Variants in CTPS2 observed in about 807,000 individuals in gnomAD.
The protein encoded by CTPS2 is CTP synthase 2.
CTPS2 carries 19 observed loss-of-function variants against 46.8 expected under a neutral mutation model. That is an observed-to-expected ratio of 0.41 (90% CI 0.28 to 0.60). CTPS2 has a LOEUF of 0.60. Ranked by LOEUF, CTPS2 falls within the 20% of genes least tolerant of loss-of-function variation. The pLI is 0.35. For synonymous variants in CTPS2, 151 were observed against 165.2 expected, an observed-to-expected ratio of 0.91 and a Z score of 0.66; for missense variants, 286 against 447.6, an observed-to-expected ratio of 0.64 and a Z score of 3.26.
At position 16,667,576 on chromosome X, in the gene CTPS2, G is replaced by C; in HGVS notation, c.1253-19C>G. ...TCAGCATCTGAAGATTAAGAAAAGAGTTCAGTAATTCACCAATAGTGCTGA... is the reference window on the plus strand; with the variant it reads ...TCAGCATCTGAAGATTAAGAAAAGACTTCAGTAATTCACCAATAGTGCTGA... On this transcript the variant is annotated intron_variant, in intron 12 of 18. Transcript: ENST00000359276. The C allele has an allele frequency of 9.1e-6, 11 of 1,208,377 alleles. No homozygotes were observed. The highest frequency in any genetic ancestry group is 1.2e-5 in the Non-Finnish European group (11 of 892,540).
intron 17 of CTPS2, among the ~76,000 whole-genome samples, chrX:16,598,948 A>G (rs1929467311): frequency 8.9e-6 from 1 of 111,970 alleles, no homozygotes; most frequent in Non-Finnish European, 1.9e-5. Context: ...ACAGAACCAA[A>G]GACAAAAACC....
At chrX:16,634,829 C>T (rs2147232709) in intron 14 of CTPS2, among the ~76,000 whole-genome samples, 1 of 110,184 alleles carries the variant, frequency 9.1e-6, no homozygotes, top group South Asian at 3.9e-4. Flanking sequence ...CATGCCTGTA[C>T]TCTCGGCTAC....
chrX:16,708,587 A>G (rs1222357698), intron 1 of CTPS2, among the ~76,000 whole-genome samples: 1 of 110,878 alleles, frequency 9.0e-6, no homozygotes, highest in Admixed American at 9.8e-5. Flanking sequence ...TTGAACATCT[A>G]TTACATGCTT....
rs765728580 is a variant in CTPS2 at position 16,634,864 on chromosome X, G to A, written c.1393+4283C>T. Among the ~76,000 whole-genome samples the A allele has an allele frequency of 2.2e-4, 24 of 109,413 alleles. No individual in the cohort carries two copies. The East Asian group carries it at 5.5e-3, about 25-fold the overall frequency. On this transcript the variant is annotated intron_variant, in intron 14 of 18. Coordinates refer to ENST00000359276, the MANE Select transcript of CTPS2 (RefSeq NM_175859.3). Reference sequence around the variant, plus strand: ...CTCGAGAGGCTGAGGCAGGAGAATCGGTTGAACCTGGGAGGCGGAGGTTGC... The same window carrying A: ...CTCGAGAGGCTGAGGCAGGAGAATCAGTTGAACCTGGGAGGCGGAGGTTGC...
chrX:16,667,008 G>A (rs1414584458), intron 13 of CTPS2, among the ~76,000 whole-genome samples: 2 of 111,094 alleles, frequency 1.8e-5, no homozygotes, highest in African/African-American at 3.3e-5. Context: ...ATCAGTCCAG[G>A]ATTGTGACTG....
At chrX:16,680,061 G>C (rs895723470) in intron 9 of CTPS2, among the ~76,000 whole-genome samples, 2 of 111,193 alleles carry the variant, frequency 1.8e-5, no homozygotes, top group African/African-American at 6.5e-5. Flanking sequence ...AAACCAGCCC[G>C]GAAGCCGCTG....
chrX:16,608,703 T>C (rs757980393), intron 17 of CTPS2, among the ~76,000 whole-genome samples: 1 of 111,664 alleles, frequency 9.0e-6, no homozygotes, highest in South Asian at 3.7e-4. Context: ...ATAATAATGC[T>C]ATGAAAATGA....
chrX:16,691,496 C>A, intron 7 of CTPS2, 44 bp downstream of exon 7: 2 of 1,060,190 alleles, frequency 1.9e-6, no homozygotes, highest in South Asian at 3.8e-5. Context: ...CTGGCATCAG[C>A]AGAAGTGCCT....
At chrX:16,682,771 A>G (rs1195489686) in intron 9 of CTPS2, among the ~76,000 whole-genome samples, 1 of 111,844 alleles carries the variant, frequency 8.9e-6, no homozygotes. Flanking sequence ...CAAGTCTTCA[A>G]TGAGCTTCCT....
intron 1 of CTPS2, among the ~76,000 whole-genome samples, chrX:16,709,427 CAA>C (rs776924145): frequency 5.4e-4 from 29 of 54,064 alleles, no homozygotes; most frequent in Admixed American, 2.7e-3. Flanking sequence ...AACCGTGTCT[CAA>C]AAAAAAAAAA....
In CTPS2 at chrX:16,621,273, A is replaced by G. The variant is rs777936545; in HGVS notation, c.1394-941T>C. On this transcript the variant is annotated intron_variant, in intron 14 of 18. Coordinates refer to ENST00000359276, the MANE Select transcript of CTPS2 (RefSeq NM_175859.3). ...CCAAACACCTCTCAAGAATGCTCCC[A>G]TTGGGAACATCACACACCGGGGCTT... is the stretch of plus-strand genomic sequence containing the variant. Among the ~76,000 whole-genome samples the G allele has an allele frequency of 6.3e-5, 5 of 78,918 alleles. No homozygotes were observed. The East Asian group carries it at 2.4e-3, about 38-fold the overall frequency. 68.5% of individuals were successfully genotyped at this position (78,918 alleles called of 115,157 possible). A position where few individuals can be genotyped will look rare whatever the true frequency, so the allele number is the denominator to read the frequency against.
At chrX:16,664,772 A>C (rs1921029460) in intron 13 of CTPS2, among the ~76,000 whole-genome samples, 1 of 111,677 alleles carries the variant, frequency 9.0e-6, no homozygotes. Context: ...CAATATCTGG[A>C]GGTACTTTTA....
intron 13 of CTPS2, among the ~76,000 whole-genome samples, chrX:16,643,553 C>T (rs1469842374): frequency 1.8e-5 from 2 of 111,651 alleles, no homozygotes; most frequent in Non-Finnish European, 3.8e-5. Context: ...TCCTTTCCTA[C>T]TGCTCATTAG....
In CTPS2 at chrX:16,689,267, C is replaced by T. The variant is rs184283030; in HGVS notation, c.872+183G>A. On this transcript the variant is annotated intron_variant, in intron 8 of 18. Coordinates refer to ENST00000359276, the MANE Select transcript of CTPS2 (RefSeq NM_175859.3). Reference sequence around the variant, plus strand: ...TTTATGTATAACAAAATCAAAGGCTCCAGAAATCTTCAAATAATACAGCAA... The same window carrying T: ...TTTATGTATAACAAAATCAAAGGCTTCAGAAATCTTCAAATAATACAGCAA... 1.6e-4 allele frequency among the ~76,000 whole-genome samples: 18 copies of T among 111,867 alleles called. No individual in the cohort carries two copies. The East Asian group carries it at 4.7e-3, about 29-fold the overall frequency.
intron 13 of CTPS2, chrX:16,654,550 C>T (rs201526472): frequency 2.9e-5 from 24 of 840,697 alleles, no homozygotes; most frequent in Non-Finnish European, 3.7e-5. Flanking sequence ...GGAGGAAGAG[C>T]GCCTGTGCTG....
At chrX:16,614,972 C>T (rs914896211) in intron 16 of CTPS2, among the ~76,000 whole-genome samples, 4 of 112,272 alleles carry the variant, frequency 3.6e-5, no homozygotes, top group Non-Finnish European at 7.5e-5. Context: ...GTCAGGAGTT[C>T]AAGACCAGCC....
chrX:16,688,947 A>G (rs975376990), intron 8 of CTPS2, among the ~76,000 whole-genome samples: 4 of 107,636 alleles, frequency 3.7e-5, no homozygotes, highest in African/African-American at 1.4e-4. Context: ...AAAAAAATAT[A>G]TATTAGCCGG....
At chrX:16,701,259 C>T (rs889327540) in intron 2 of CTPS2, among the ~76,000 whole-genome samples, 1 of 111,864 alleles carries the variant, frequency 8.9e-6, no homozygotes, top group African/African-American at 3.2e-5. Flanking sequence ...TATTCAAGGC[C>T]TGGTGCAGTG....
intron 13 of CTPS2, among the ~76,000 whole-genome samples, chrX:16,639,996 A>T (rs1932002253): frequency 9.0e-6 from 1 of 110,642 alleles, no homozygotes; most frequent in Non-Finnish European, 1.9e-5. Context: ...GCATCCATCC[A>T]CTTCTCTCCA....
Sources: gnomAD v4.1 joint callset for allele counts (sites outside exome capture counted in the v4.1 genomes callset) on GRCh38, gnomAD v4.1.1 for gene constraint, MANE v1.5 for transcripts, NCBI Gene and HGNC (gene_info 2026-07-23, HGNC 2026-07-21) for gene names.